Variants in KCNQ4 observed in about 807,000 individuals in gnomAD.
The protein encoded by KCNQ4 is potassium voltage-gated channel subfamily KQT member 4.
A neutral mutation model predicts 72.6 loss-of-function variants in KCNQ4; 31 were observed. That is an observed-to-expected ratio of 0.43 (90% confidence interval 0.32 to 0.58). The LOEUF (loss-of-function observed/expected upper bound fraction) is 0.58, where lower values mean the gene tolerates loss of function less well. Ranked by LOEUF, KCNQ4 falls within the 20% of genes least tolerant of loss-of-function variation. The probability of loss-of-function intolerance (pLI) is 0.08; values close to 1 mark genes in which losing one functional copy is unlikely to be tolerated. For synonymous variants in KCNQ4, 405 were observed against 403.7 expected (o/e 1.00, Z -0.04); for missense variants, 869 against 962.6 (o/e 0.90, Z 1.29).
At chr1:40,813,453 G>A (rs1428793071) in intron 1 of KCNQ4, among the ~76,000 whole-genome samples, 3 of 152,174 alleles carry the variant, frequency 2.0e-5, no homozygotes, top group African/African-American at 7.2e-5. Flanking sequence ...GGATGTGCAG[G>A]GGGAGGGAAA....
rs879282728 is a variant in KCNQ4 at position 40,817,428 on chromosome 1, G to T, written c.405+73G>T. 1 of 1,092,902 alleles carries T rather than the reference G, an allele frequency of 9.1e-7. No homozygotes were observed. The highest frequency in any genetic ancestry group is 1.3e-6 in the Non-Finnish European group (1 of 763,444). 67.7% of individuals were successfully genotyped at this position (1,092,902 alleles called of 1,614,324 possible). On this transcript the variant is annotated intron_variant, in intron 2 of 13. Coordinates refer to ENST00000347132, the MANE Select transcript of KCNQ4 (RefSeq NM_004700.4). This position sits in a 1 kb window ranked among gnomAD's most constrained non-coding sequence, Gnocchi z 5.5. Reference sequence around the variant, plus strand: ...CTCTGGGCTGGGAGTCCGGGACTGAGGGGGGCTGTGTGAGGTAGCACCTCT... The same window carrying T: ...CTCTGGGCTGGGAGTCCGGGACTGATGGGGGCTGTGTGAGGTAGCACCTCT...
intron 1 of KCNQ4, among the ~76,000 whole-genome samples, chr1:40,797,501 C>G (rs536477676): frequency 6.6e-6 from 1 of 152,088 alleles, no homozygotes; most frequent in Non-Finnish European, 1.5e-5. Flanking sequence ...GGGCCAGGCT[C>G]GGCAGTGAGG....
intron 9 of KCNQ4, 79 bp downstream of exon 9, chr1:40,824,337 C>T (rs1284898845): frequency 8.1e-6 from 12 of 1,485,868 alleles, no homozygotes; most frequent in Middle Eastern, 1.7e-4. Flanking sequence ...CTCTCTCAGA[C>T]CTGCCTTCAG....
chr1:40,820,081 G>A lies in KCNQ4; in HGVS notation c.946-84G>A, dbSNP rs1456549883. On this transcript the variant is annotated intron_variant, in intron 6 of 13. Transcript: ENST00000347132. ...CCTGGGGAGCCTGGGGTACCTCAGAGGGGCAAGGATGGGGACACCCTTGCA... is the reference window on the plus strand; with the variant it reads ...CCTGGGGAGCCTGGGGTACCTCAGAAGGGCAAGGATGGGGACACCCTTGCA... 8 of 1,532,100 alleles carry A rather than the reference G, an allele frequency of 5.2e-6. No individual in the cohort carries two copies. In the East Asian group the frequency reaches 9.1e-5, roughly 17 times the overall value. 94.9% of individuals were successfully genotyped at this position (1,532,100 alleles called of 1,614,324 possible).
intron 1 of KCNQ4, among the ~76,000 whole-genome samples, chr1:40,792,913 G>A (rs1437147103): frequency 1.3e-5 from 2 of 151,876 alleles, no homozygotes; most frequent in African/African-American, 2.4e-5. Flanking sequence ...CCTAGCATGT[G>A]CATCTCTGGG....
At chr1:40,791,890 T>G (rs1219452369) in intron 1 of KCNQ4, among the ~76,000 whole-genome samples, 1 of 152,114 alleles carries the variant, frequency 6.6e-6, no homozygotes, top group Non-Finnish European at 1.5e-5. Context: ...GGATATTGTT[T>G]CAAAAACTTG....
chr1:40,811,338 C>T (rs1289503779), intron 1 of KCNQ4, among the ~76,000 whole-genome samples: 1 of 152,148 alleles, frequency 6.6e-6, no homozygotes, highest in East Asian at 1.9e-4. Flanking sequence ...GTTTAAAAGC[C>T]CTGAGCTGGC....
At chr1:40,798,572 G>T (rs576228687) in intron 1 of KCNQ4, among the ~76,000 whole-genome samples, 1 of 152,360 alleles carries the variant, frequency 6.6e-6, no homozygotes, top group East Asian at 1.9e-4. Context: ...ACTTGCCCAA[G>T]GTCATTCAGC....
At chr1:40,821,799 T>C (rs560559005) in intron 7 of KCNQ4, among the ~76,000 whole-genome samples, 43 of 152,254 alleles carry the variant, frequency 2.8e-4, no homozygotes, top group African/African-American at 1.0e-3. Flanking sequence ...ACACAATGAA[T>C]AGGTATTCAT....
chr1:40,822,430 TG>T (rs749341233), intron 8 of KCNQ4, 28 bp downstream of exon 8: 8 of 154,156 alleles, frequency 5.2e-5, no homozygotes, highest in South Asian at 2.0e-4. Context: ...TGGGGGTGGG[TG>T]GGGGGCTGGC....
chr1:40,815,518 G>T (rs1648060093), intron 1 of KCNQ4, among the ~76,000 whole-genome samples: 1 of 152,138 alleles, frequency 6.6e-6, no homozygotes, highest in South Asian at 2.1e-4. Flanking sequence ...CCTTTTTTGT[G>T]ATTAATTATT....
In KCNQ4 at chr1:40,831,395, G is replaced by A. The variant is rs563283812; in HGVS notation, c.1513+91G>A. On this transcript the variant is annotated intron_variant, in intron 10 of 13. Coordinates refer to ENST00000347132, the MANE Select transcript of KCNQ4 (RefSeq NM_004700.4). ...GGCTGGGAGCAGAAAGATCTGGCTC[G>A]CGTCTCAGCTCTGGAACTGATGGAC... The A allele has an allele frequency of 3.7e-4, 399 of 1,078,266 alleles. 2 individuals are homozygous for A. In the Middle Eastern group the frequency reaches 5.3e-3, roughly 14 times the overall value. The allele number at this position is 1,078,266 out of a possible 1,614,324, so 66.8% of individuals were successfully genotyped here.
At chr1:40,787,173 G>C (rs1025681404) in intron 1 of KCNQ4, among the ~76,000 whole-genome samples, 4 of 152,130 alleles carry the variant, frequency 2.6e-5, no homozygotes, top group Non-Finnish European at 5.9e-5. Context: ...AGGATCGCTT[G>C]AGCCTAGGCA....
chr1:40,837,707 C>G lies in KCNQ4; in HGVS notation c.1788C>G (p.Ala596=). Residue 596 remains alanine (A), a synonymous_variant, in exon 13 of 14, where the codon GCC becomes GCG. Coordinates refer to ENST00000347132, the MANE Select transcript of KCNQ4 (RefSeq NM_004700.4). ...IVGRGPGDRK[A]REKGDKGPSD... ...GTCGGGGGCCCGGGGACAGGAAGGC[C>G]CGGGAGAAGGGCGACAAGGGGCCCT... 1 of 1,613,410 alleles carries G rather than the reference C, an allele frequency of 6.2e-7. No homozygotes were observed. Among genetic ancestry groups the G allele is most frequent in the Non-Finnish European group, 8.5e-7 (1 of 1,179,808 alleles).
chr1:40,818,055 G>A lies in KCNQ4; in HGVS notation c.406-109G>A. ...CCAGGAAACTCCAGGAGAGGGGTCC[G>A]AGGAGGCCCTGGTCCCCCTAACCCA... On this transcript the variant is annotated intron_variant, in intron 2 of 13. Coordinates refer to ENST00000347132, the MANE Select transcript of KCNQ4 (RefSeq NM_004700.4). 19 of 1,443,194 alleles carry A rather than the reference G, an allele frequency of 1.3e-5. No individual in the cohort carries two copies. In the East Asian group the frequency reaches 1.4e-4, roughly 10 times the overall value. 89.4% of individuals were successfully genotyped at this position (1,443,194 alleles called of 1,614,324 possible). A position where few individuals can be genotyped will look rare whatever the true frequency, so the allele number is the denominator to read the frequency against.
chr1:40,808,695 C>T (rs865987848), intron 1 of KCNQ4, among the ~76,000 whole-genome samples: 5 of 152,200 alleles, frequency 3.3e-5, no homozygotes, highest in Non-Finnish European at 7.3e-5. Flanking sequence ...ACACCAGCTC[C>T]TCCCTGGCTC....
intron 1 of KCNQ4, among the ~76,000 whole-genome samples, chr1:40,805,798 A>G (rs1388420841): frequency 6.6e-6 from 1 of 151,672 alleles, no homozygotes; most frequent in African/African-American, 2.4e-5. Context: ...AACTCAGTGG[A>G]TTTCACACTT....
intron 1 of KCNQ4, among the ~76,000 whole-genome samples, chr1:40,808,908 T>C (rs1647844148): frequency 6.6e-6 from 1 of 152,174 alleles, no homozygotes; most frequent in African/African-American, 2.4e-5. Flanking sequence ...GTCAAACATC[T>C]TCAAATTGTT....
intron 9 of KCNQ4, among the ~76,000 whole-genome samples, chr1:40,828,204 G>C (rs1648540094): frequency 6.6e-6 from 1 of 152,202 alleles, no homozygotes. Flanking sequence ...GTGAGTTCAA[G>C]GGGTTGGGAC....
Sources: allele counts gnomAD v4.1 joint callset (sites outside exome capture counted in the v4.1 genomes callset), GRCh38; gene constraint gnomAD v4.1.1; non-coding constraint Gnocchi (gnomAD v3.1); transcripts MANE v1.5; gene names NCBI Gene and HGNC (gene_info 2026-07-23, HGNC 2026-07-21).